TOMM20: variants seen among roughly 807,000 people sequenced by gnomAD.
TOMM20 encodes the protein translocase of outer mitochondrial membrane 20.
A neutral mutation model predicts 22.1 loss-of-function variants in TOMM20; 10 were observed. The observed-to-expected ratio is 0.45, with a 90% confidence interval of 0.28 to 0.77. TOMM20 has a LOEUF of 0.77. TOMM20 is among the 30% of genes least tolerant of loss of function. The probability of loss-of-function intolerance (pLI) is 0.13; values close to 1 mark genes in which losing one functional copy is unlikely to be tolerated. For synonymous variants in TOMM20, 55 were observed against 61.4 expected (o/e 0.90, Z 0.49); for missense variants, 121 against 172.2 (o/e 0.70, Z 1.66).
chr1:235,120,575 A>G (rs952572251), intron 2 of TOMM20, among the ~76,000 whole-genome samples: 6 of 147,058 alleles, frequency 4.1e-5, no homozygotes, highest in Non-Finnish European at 7.5e-5. Flanking sequence ...TACATTTTAC[A>G]TGCATCTAAA....
At chr1:235,113,071 A>G (rs1317309300) in intron 4 of TOMM20, among the ~76,000 whole-genome samples, 2 of 152,156 alleles carry the variant, frequency 1.3e-5, no homozygotes, top group African/African-American at 2.4e-5. Flanking sequence ...ATCATCATTC[A>G]CTGTTTTAAT....
intron 2 of TOMM20, among the ~76,000 whole-genome samples, chr1:235,120,591 G>A (rs908391359): frequency 6.6e-6 from 1 of 151,616 alleles, no homozygotes; most frequent in Non-Finnish European, 1.5e-5. Context: ...CTAAAAGACT[G>A]TTTTTTGAGA....
intron 3 of TOMM20, among the ~76,000 whole-genome samples, chr1:235,117,002 G>A (rs1388800060): frequency 1.3e-5 from 2 of 151,514 alleles, no homozygotes; most frequent in Non-Finnish European, 2.9e-5. Flanking sequence ...GGGCGTGGTG[G>A]TGGGCGCCTG....
At chr1:235,124,395 C>T (rs1660978989) in intron 1 of TOMM20, among the ~76,000 whole-genome samples, 1 of 152,174 alleles carries the variant, frequency 6.6e-6, no homozygotes, top group African/African-American at 2.4e-5. Context: ...TCCCCATTTT[C>T]CAGATGAGAA....
Position 235,119,854 on chromosome 1 carries a change from C to A in TOMM20, c.214G>T (p.Glu72Ter). The A allele has an allele frequency of 6.2e-7, 1 of 1,612,496 alleles. No homozygotes were observed. ...AACTCTTCACCAAGCTGTATTTCTT[C>A]AAGGAAGAACTTCTGAACAGCTTCA... ...DAEAVQKFFL[E>*]EIQLGEELLA... The change falls in exon 3 of 5, where the codon GAA becomes TAA. Residue 72 changes from glutamate to a stop codon, truncating the protein, a stop_gained. Transcript: ENST00000366607. LOFTEE classifies it high-confidence loss of function.
In TOMM20 at chr1:235,110,737, A is replaced by G. The variant is rs1179869287; in HGVS notation, c.*1327T>C. 1 of 152,198 alleles carries G rather than the reference A, an allele frequency of 6.6e-6. No individual in the cohort carries two copies. Among genetic ancestry groups the G allele is most frequent in the Non-Finnish European group, 1.5e-5 (1 of 68,038 alleles). The allele number at this position is 152,198 out of a possible 1,614,324, so 9.4% of individuals were successfully genotyped here. A position where few individuals can be genotyped will look rare whatever the true frequency, so the allele number is the denominator to read the frequency against. ...GAGTTTGTAAGTCAATCAAAATAAAATGCCTAGTACATAGGAAAAGTCTTT... is the reference window on the plus strand; with the variant it reads ...GAGTTTGTAAGTCAATCAAAATAAAGTGCCTAGTACATAGGAAAAGTCTTT... On this transcript the variant is annotated 3_prime_UTR_variant, in exon 5 of 5. Transcript: ENST00000366607.
intron 3 of TOMM20, among the ~76,000 whole-genome samples, chr1:235,118,780 T>A (rs1660878036): frequency 6.6e-6 from 1 of 152,132 alleles, no homozygotes; most frequent in Admixed American, 6.5e-5. Context: ...CTGCCTCAGT[T>A]CCCCAAAGTG....
chr1:235,115,330 A>G (rs1041473215), intron 3 of TOMM20, among the ~76,000 whole-genome samples: 7 of 152,170 alleles, frequency 4.6e-5, no homozygotes, highest in African/African-American at 1.7e-4. Flanking sequence ...CATTAGATAT[A>G]CTTTTAAAAA....
In TOMM20 at chr1:235,119,800, C is replaced by T. The variant is rs752980342; in HGVS notation, c.250+18G>A. 1 of 1,555,852 alleles carries T rather than the reference C, an allele frequency of 6.4e-7. No homozygotes were observed. The highest frequency in any genetic ancestry group is 1.8e-5 in the Admixed American group (1 of 55,688). ...AGAAAAATTCTACCCATTTCCTTAG[C>T]TTTTCAATGACTATTACCTTGAGCT... On this transcript the variant is annotated intron_variant, in intron 3 of 4. Transcript: ENST00000366607.
At chr1:235,113,738 C>T (rs1311239622) in intron 4 of TOMM20, 30 bp downstream of exon 4, 2 of 1,585,124 alleles carry the variant, frequency 1.3e-6, no homozygotes, top group African/African-American at 1.4e-5. Context: ...ATCCCACTCA[C>T]TTTTATGTCA....
chr1:235,122,435 C>T (rs1297089839), intron 1 of TOMM20, 63 bp from the exon 2 acceptor site: 2 of 1,468,210 alleles, frequency 1.4e-6, no homozygotes, highest in Non-Finnish European at 1.9e-6. Context: ...CAAAAGAATT[C>T]TAACTGCTGT....
intron 1 of TOMM20, among the ~76,000 whole-genome samples, chr1:235,126,735 G>A (rs1306908823): frequency 6.6e-6 from 1 of 152,064 alleles, no homozygotes; most frequent in Non-Finnish European, 1.5e-5. Context: ...GGGAGGCGGA[G>A]GTTGCAATGA....
intron 3 of TOMM20, 51 bp downstream of exon 3, chr1:235,119,767 T>A: frequency 7.9e-7 from 1 of 1,260,668 alleles, no homozygotes; most frequent in Non-Finnish European, 1.1e-6. Flanking sequence ...TATAAATTTC[T>A]ATCAGTGAGA....
intron 1 of TOMM20, chr1:235,128,000 A>AC (rs1289630869): frequency 6.6e-6 from 3 of 451,758 alleles, no homozygotes; most frequent in African/African-American, 4.1e-5. Flanking sequence ...ACACGGTGAA[A>AC]CCCCGTCTCT....
chr1:235,117,108 C>G, intron 3 of TOMM20, among the ~76,000 whole-genome samples: 1 of 120,920 alleles, frequency 8.3e-6, no homozygotes, highest in African/African-American at 3.2e-5. Flanking sequence ...GCACTCCAGC[C>G]TGGGCGACAG....
chr1:235,113,381 G>A (rs965582769), intron 4 of TOMM20, among the ~76,000 whole-genome samples: 1 of 152,176 alleles, frequency 6.6e-6, no homozygotes, highest in Non-Finnish European at 1.5e-5. Context: ...CCGACGTTTA[G>A]GCCCGAATGT....
At chr1:235,125,481 C>T (rs7535285) in intron 1 of TOMM20, among the ~76,000 whole-genome samples, 23,530 of 151,996 alleles carry the variant, frequency 0.15, 1,980 homozygotes, top group Middle Eastern at 0.24. Context: ...TCCCAAAGTG[C>T]TGGGTTTACA....
intron 1 of TOMM20, among the ~76,000 whole-genome samples, chr1:235,126,821 T>C (rs903042612): frequency 1.3e-5 from 2 of 151,868 alleles, no homozygotes; most frequent in Admixed American, 6.6e-5. Context: ...CAACAAAAAA[T>C]CTCTAGCATT....
intron 3 of TOMM20, among the ~76,000 whole-genome samples, chr1:235,118,077 C>T (rs1034463529): frequency 1.3e-5 from 2 of 152,188 alleles, no homozygotes; most frequent in African/African-American, 2.4e-5. Flanking sequence ...TGAATACATA[C>T]TATAATTAAA....
Sources: allele counts gnomAD v4.1 joint callset (sites outside exome capture counted in the v4.1 genomes callset), GRCh38; gene constraint gnomAD v4.1.1; transcripts MANE v1.5; gene names NCBI Gene and HGNC (gene_info 2026-07-23, HGNC 2026-07-21).